The following FSIP2 variants were observed in gnomAD, a reference collection of about 807,000 sequenced individuals.
The protein encoded by FSIP2 is fibrous sheath interacting protein 2, also known as fibrous sheath-interacting protein 2.
In FSIP2, 367 loss-of-function variants were observed where a neutral mutation model predicts 510.5. That is an observed-to-expected ratio of 0.72 (90% CI 0.66 to 0.78). The LOEUF (loss-of-function observed/expected upper bound fraction) is 0.78. Ranked by LOEUF, FSIP2 falls within the 30% of genes least tolerant of loss-of-function variation. The pLI is 0.00. For missense variants in FSIP2, 7,594 were observed against 7,901.7 expected, an observed-to-expected ratio of 0.96 and a Z score of 1.48; for synonymous variants, 2,601 against 2,732.2, an observed-to-expected ratio of 0.95 and a Z score of 1.50.
At chr2:185,771,127 T>G (rs759289119) in intron 13 of FSIP2, among the ~76,000 whole-genome samples, 2 of 152,230 alleles carry the variant, frequency 1.3e-5, no homozygotes, top group Admixed American at 1.3e-4. Flanking sequence ...CCATGGCTTC[T>G]GTCACTGATT....
At chr2:185,769,767 G>C (rs1692569869) in intron 13 of FSIP2, among the ~76,000 whole-genome samples, 1 of 152,116 alleles carries the variant, frequency 6.6e-6, no homozygotes, top group African/African-American at 2.4e-5. Flanking sequence ...TTACATTTCA[G>C]TCTTTAATCC....
At chr2:185,782,992 T>C (rs1394764641) in intron 14 of FSIP2, among the ~76,000 whole-genome samples, 3 of 152,146 alleles carry the variant, frequency 2.0e-5, no homozygotes, top group Admixed American at 6.5e-5. Flanking sequence ...ATAGTCAGGG[T>C]CTCCATGCCA....
intron 9 of FSIP2, among the ~76,000 whole-genome samples, chr2:185,759,196 T>G (rs922318553): frequency 2.0e-5 from 3 of 150,826 alleles, no homozygotes; most frequent in East Asian, 3.9e-4. Context: ...GACATCCCCT[T>G]TTTTCTTAGT....
At chr2:185,780,004 C>G (rs1358702231) in intron 13 of FSIP2, among the ~76,000 whole-genome samples, 1 of 147,940 alleles carries the variant, frequency 6.8e-6, no homozygotes, top group Non-Finnish European at 1.5e-5. Context: ...ACCTGGGAGG[C>G]AGAGGTTGCA....
chr2:185,809,951 G>A (rs1396479894), intron 17 of FSIP2, among the ~76,000 whole-genome samples: 2 of 152,042 alleles, frequency 1.3e-5, no homozygotes, highest in Non-Finnish European at 2.9e-5. Flanking sequence ...AGGTTGCACT[G>A]ATCCATCAGA....
chr2:185,744,978 GGTGTGT>G (rs35545095), intron 4 of FSIP2: 3 of 125,788 alleles, frequency 2.4e-5, no homozygotes, highest in African/African-American at 5.3e-5. Context: ...GTGTGTGTGG[GGTGTGT>G]GTGTGTGTGT....
At chr2:185,827,646 C>A (rs1311494191) in intron 20 of FSIP2, among the ~76,000 whole-genome samples, 2 of 151,878 alleles carry the variant, frequency 1.3e-5, no homozygotes, top group Non-Finnish European at 2.9e-5. Context: ...TCTGTAGACT[C>A]CACCAAATAT....
Position 185,795,361 on chromosome 2 carries a change from T to A in FSIP2, c.8225T>A (p.Ile2742Lys). ...GAACTAAAAATATATGCCAAGGATA[T>A]AATAATTAACATCCTAGAAACAATT... ...TSELKIYAKD[I>K]IINILETIVK... is the part of the protein sequence containing the mutation. The change falls in exon 16 of 23, where the codon ATA becomes AAA. Residue 2742 changes from isoleucine to lysine, a missense_variant. Coordinates refer to ENST00000424728, the MANE Select transcript of FSIP2 (RefSeq NM_173651.4). 6.5e-7 allele frequency: 1 copy of A among 1,534,852 alleles called. No individual in the cohort carries two copies. Among genetic ancestry groups the A allele is most frequent in the South Asian group, 1.2e-5 (1 of 84,038 alleles).
At chr2:185,777,393 GTTTT>G (rs10567134) in intron 13 of FSIP2, among the ~76,000 whole-genome samples, 6 of 122,566 alleles carry the variant, frequency 4.9e-5, no homozygotes, top group East Asian at 2.3e-4. Flanking sequence ...TATAATTGTA[GTTTT>G]TTTTTTTTTT....
intron 13 of FSIP2, among the ~76,000 whole-genome samples, chr2:185,777,586 C>T (rs1445311360): frequency 6.6e-6 from 1 of 151,946 alleles, no homozygotes; most frequent in Non-Finnish European, 1.5e-5. Flanking sequence ...CTTTCTATTT[C>T]TAATATGCAA....
rs1254282070 is a variant in FSIP2, at chr2:185,794,936, G to A, written c.7800G>A (p.Ala2600=). ...AGKISNSPRY[A]ISQAYSYVDS... Reference sequence around the variant, plus strand: ...AAATAAGTAATTCCCCTAGATATGCGATATCACAGGCTTATTCTTATGTCG... The same window carrying A: ...AAATAAGTAATTCCCCTAGATATGCAATATCACAGGCTTATTCTTATGTCG... Residue 2600 remains alanine, a synonymous_variant, in exon 16 of 23, where the codon GCG becomes GCA. Transcript: ENST00000424728. The A allele has an allele frequency of 6.5e-7, 1 of 1,533,558 alleles. No individual in the cohort carries two copies. The highest frequency in any genetic ancestry group is 8.7e-7 in the Non-Finnish European group (1 of 1,144,986). 95.0% of individuals were successfully genotyped at this position (1,533,558 alleles called of 1,614,324 possible).
In FSIP2 at chr2:185,795,918, C is replaced by T. The variant is rs1473137954; in HGVS notation, c.8782C>T (p.Leu2928=). The T allele has an allele frequency of 6.5e-7, 1 of 1,534,162 alleles. No individual in the cohort carries two copies. The highest frequency in any genetic ancestry group is 1.2e-5 in the South Asian group (1 of 83,886). The change falls in exon 16 of 23, where the codon CTA becomes TTA. Residue 2928 remains leucine, a synonymous_variant. Coordinates refer to ENST00000424728, the MANE Select transcript of FSIP2 (RefSeq NM_173651.4). ...AATTGTTGAAATGCTACTTGAAAAA[C>T]TACAGCTATGCTTTCTGTCCCAAAT... ...REIVEMLLEK[L]QLCFLSQIPT... is the part of the protein sequence containing the mutation.
chr2:185,795,929 C>T lies in FSIP2; in HGVS notation c.8793C>T (p.Cys2931=), dbSNP rs1405191814. 2 of 1,534,234 alleles carry T rather than the reference C, an allele frequency of 1.3e-6. No individual in the cohort carries two copies. The highest frequency in any genetic ancestry group is 1.7e-6 in the Non-Finnish European group (2 of 1,145,718). The change falls in exon 16 of 23, where the codon TGC becomes TGT. Residue 2931 remains cysteine (C), a synonymous_variant. Transcript: ENST00000424728. ...TGCTACTTGAAAAACTACAGCTATG[C>T]TTTCTGTCCCAAATTCCCACTCCAG... ...VEMLLEKLQL[C]FLSQIPTPDS... is the part of the protein sequence containing the mutation.
intron 13 of FSIP2, among the ~76,000 whole-genome samples, chr2:185,776,035 C>T (rs1282169827): frequency 2.0e-5 from 3 of 152,058 alleles, no homozygotes; most frequent in African/African-American, 4.8e-5. Flanking sequence ...TTTGGGAGGC[C>T]GAGACGGGTG....
intron 13 of FSIP2, among the ~76,000 whole-genome samples, chr2:185,780,348 C>T (rs917926091): frequency 9.9e-5 from 15 of 151,902 alleles, no homozygotes; most frequent in Admixed American, 3.3e-4. Flanking sequence ...CCATTTCTCT[C>T]ACTGCATTCC....
At chr2:185,737,379 A>G (rs963418606), upstream of FSIP2, among the ~76,000 whole-genome samples, 2 of 152,232 alleles carry the variant, frequency 1.3e-5, no homozygotes, top group African/African-American at 2.4e-5. Flanking sequence ...GTTTGCCATC[A>G]AAGATCAAAT....
At chr2:185,781,898 C>T (rs201624967) in intron 13 of FSIP2, among the ~76,000 whole-genome samples, 1 of 150,994 alleles carries the variant, frequency 6.6e-6, no homozygotes, top group Non-Finnish European at 1.5e-5. Flanking sequence ...AGTGCAGTGG[C>T]GCGATCTCGG....
In FSIP2 at chr2:185,764,394, C is replaced by T. The variant is rs1692418240; in HGVS notation, c.1348-108C>T. ...TATAAATTGACATTAAAGAGAAATTCTCAAAATCTTAAATTTCTGTACTAT... is the reference window on the plus strand; with the variant it reads ...TATAAATTGACATTAAAGAGAAATTTTCAAAATCTTAAATTTCTGTACTAT... On this transcript the variant is annotated intron_variant, in intron 12 of 22. Transcript: ENST00000424728. The T allele has an allele frequency of 2.3e-5, 13 of 558,160 alleles. No homozygotes were observed. In the South Asian group the frequency reaches 3.6e-4, roughly 16 times the overall value. The allele number at this position is 558,160 out of a possible 1,614,324, so 34.6% of individuals were successfully genotyped here.
rs1559029788 is a variant in FSIP2 at position 185,796,251 on chromosome 2, A to C, written c.9115A>C (p.Met3039Leu). 2 of 1,531,130 alleles carry C rather than the reference A, an allele frequency of 1.3e-6. No individual in the cohort carries two copies. The highest frequency in any genetic ancestry group is 4.9e-5 in the East Asian group (2 of 40,808). The allele number at this position is 1,531,130 out of a possible 1,614,324, so 94.8% of individuals were successfully genotyped here. Reference protein sequence around the residue: ...SIQQKLLNKKMLPKLQPLKMF... With the variant: ...SIQQKLLNKKLLPKLQPLKMF... ...CCAACAGAAACTGTTAAACAAAAAA[A>C]TGTTGCCAAAATTACAACCACTGAA... is the stretch of plus-strand genomic sequence containing the variant. The change falls in exon 16 of 23, where the codon ATG (methionine) becomes CTG (leucine). Residue 3039 changes from methionine to leucine, a missense_variant. Transcript: ENST00000424728.
Sources: allele counts gnomAD v4.1 joint callset (sites outside exome capture counted in the v4.1 genomes callset), GRCh38; gene constraint gnomAD v4.1.1; transcripts MANE v1.5; gene names NCBI Gene and HGNC (gene_info 2026-07-23, HGNC 2026-07-21).